Variants in ZNF713 observed in about 807,000 individuals in gnomAD.
ZNF713 encodes zinc finger protein 713.
ZNF713 carries 21 observed loss-of-function variants against 28.7 expected under a neutral mutation model. That is an observed-to-expected ratio of 0.73 (90% CI 0.52 to 1.05). The LOEUF is 1.05. ZNF713 is among the 50% of genes least tolerant of loss of function. The pLI is 0.00. For synonymous variants in ZNF713, 167 were observed against 178.0 expected, an observed-to-expected ratio of 0.94 and a Z score of 0.49; for missense variants, 458 against 532.4, an observed-to-expected ratio of 0.86 and a Z score of 1.37.
chr7:55,889,226 C>G (rs953949888), intron 1 of ZNF713, among the ~76,000 whole-genome samples: 1 of 152,002 alleles, frequency 6.6e-6, no homozygotes, highest in Non-Finnish European at 1.5e-5. Context: ...CTCAGCTTCC[C>G]GATTAGCTGG....
chr7:55,932,808 C>T (rs376730628), intron 6 of ZNF713, among the ~76,000 whole-genome samples: 5 of 130,096 alleles, frequency 3.8e-5, no homozygotes, highest in African/African-American at 1.2e-4. Context: ...GGCGTGAACC[C>T]GGGAAGCGGA....
chr7:55,888,693 T>G (rs1432023531), intron 1 of ZNF713, among the ~76,000 whole-genome samples: 5 of 152,134 alleles, frequency 3.3e-5, no homozygotes, highest in Admixed American at 6.6e-5. Flanking sequence ...TGTTTCTAGA[T>G]TCTGTCACTG....
At chr7:55,896,868 T>C (rs1785482792) in intron 1 of ZNF713, among the ~76,000 whole-genome samples, 2 of 152,100 alleles carry the variant, frequency 1.3e-5, no homozygotes, top group Non-Finnish European at 2.9e-5. Context: ...AAACATCTTA[T>C]ATTGCCAAGA....
rs1562731109 is a variant in ZNF713, at chr7:55,887,745, AGGCGGG to A, written c.-583+68_-583+73del. 8 of 1,348 alleles carry A rather than the reference AGGCGGG, an allele frequency of 5.9e-3. 2 individuals are homozygous for A. Among genetic ancestry groups the A allele is most frequent in the African/African-American group, 0.019 (7 of 370 alleles). 0.1% of individuals were successfully genotyped at this position (1,348 alleles called of 1,614,324 possible). A position where few individuals can be genotyped will look rare whatever the true frequency, so the allele number is the denominator to read the frequency against. On this transcript the variant is annotated intron_variant, in intron 1 of 6. Transcript: ENST00000429591. ...GGCGGGGGGCGGAGGCGGGGGGCGG[AGGCGGG>A]GGGCGGAGGCGGGGGGCGGAGGCGG...
chr7:55,941,552 C>A lies in ZNF713; in HGVS notation c.*1546C>A, dbSNP rs557615759. On this transcript the variant is annotated 3_prime_UTR_variant, in exon 7 of 7. Coordinates refer to ENST00000429591, the MANE Select transcript of ZNF713 (RefSeq NM_182633.3). ...ACATAAAAGAGGAATATTTCACGAA[C>A]GTCAGTTATTTGTATGCTTTCTTTA... 6.6e-6 allele frequency: 1 copy of A among 151,184 alleles called. No individual in the cohort carries two copies. The highest frequency in any genetic ancestry group is 2.4e-5 in the African/African-American group (1 of 41,090). The allele number at this position is 151,184 out of a possible 1,614,324, so 9.4% of individuals were successfully genotyped here.
At chr7:55,908,128 CGTTGTT>C (rs201637983) in intron 2 of ZNF713, among the ~76,000 whole-genome samples, 1 of 135,494 alleles carries the variant, frequency 7.4e-6, no homozygotes, top group Admixed American at 7.7e-5. Context: ...CACCAACATC[CGTTGTT>C]GTTTTTTTTT....
intron 4 of ZNF713, among the ~76,000 whole-genome samples, chr7:55,917,775 A>G (rs1398340691): frequency 6.6e-6 from 1 of 152,180 alleles, no homozygotes; most frequent in Non-Finnish European, 1.5e-5. Flanking sequence ...TCTTAAACAC[A>G]GGAAAAGTGT....
intron 6 of ZNF713, among the ~76,000 whole-genome samples, chr7:55,928,717 G>A (rs1786149779): frequency 6.6e-6 from 1 of 152,182 alleles, no homozygotes; most frequent in African/African-American, 2.4e-5. Flanking sequence ...TTCAACAAGA[G>A]ATATGCAATA....
In ZNF713 at chr7:55,912,631, C is replaced by T. The variant is rs771026384; in HGVS notation, c.-2-4C>T. On this transcript the variant is annotated splice_region_variant and splice_polypyrimidine_tract_variant and intron_variant, in intron 3 of 6. Transcript: ENST00000429591. ...TATTAACAAGATGCTTCTCTTTTTC[C>T]TAGTTATGCCTTCTCAGAATGCTGT... The T allele has an allele frequency of 1.2e-6, 2 of 1,602,698 alleles. No individual in the cohort carries two copies. The highest frequency in any genetic ancestry group is 3.4e-5 in the Admixed American group (2 of 58,872).
chr7:55,910,856 C>G (rs992765435), intron 2 of ZNF713, among the ~76,000 whole-genome samples: 2 of 152,178 alleles, frequency 1.3e-5, no homozygotes, highest in Non-Finnish European at 2.9e-5. Flanking sequence ...CTTCCCTCAG[C>G]CTTCCCCTCC....
At chr7:55,935,548 C>T (rs1426181711) in intron 6 of ZNF713, among the ~76,000 whole-genome samples, 3 of 152,242 alleles carry the variant, frequency 2.0e-5, no homozygotes, top group South Asian at 4.2e-4. Flanking sequence ...TGAGAGTTGA[C>T]AGAAGATACC....
intron 1 of ZNF713, among the ~76,000 whole-genome samples, chr7:55,899,716 A>C (rs1785539040): frequency 6.6e-6 from 1 of 152,014 alleles, no homozygotes; most frequent in Non-Finnish European, 1.5e-5. Flanking sequence ...ATGATCCAGC[A>C]GTCCCACTTC....
At chr7:55,921,894 T>G (rs1785998398) in intron 4 of ZNF713, among the ~76,000 whole-genome samples, 1 of 152,176 alleles carries the variant, frequency 6.6e-6, no homozygotes, top group South Asian at 2.1e-4. Flanking sequence ...AAATGAAGAT[T>G]CAGTGCAGCA....
At chr7:55,888,420 T>C (rs1785318594) in intron 1 of ZNF713, among the ~76,000 whole-genome samples, 1 of 152,138 alleles carries the variant, frequency 6.6e-6, no homozygotes, top group African/African-American at 2.4e-5. Context: ...TCTCACTTTA[T>C]CACCCAGGCT....
intron 4 of ZNF713, chr7:55,918,312 T>A (rs1031523159): frequency 4.0e-6 from 1 of 253,036 alleles, no homozygotes; most frequent in African/African-American, 2.2e-5. Flanking sequence ...GTAAGCCATC[T>A]TGAAAGTGAA....
At chr7:55,902,304 CA>C (rs1266577392) in intron 1 of ZNF713, among the ~76,000 whole-genome samples, 1 of 152,094 alleles carries the variant, frequency 6.6e-6, no homozygotes, top group African/African-American at 2.4e-5. Context: ...TGTACTAGTA[CA>C]AAGTGTAATA....
chr7:55,933,239 A>T (rs1584319179), intron 6 of ZNF713, among the ~76,000 whole-genome samples: 1 of 151,946 alleles, frequency 6.6e-6, no homozygotes, highest in East Asian at 1.9e-4. Flanking sequence ...CCTGCCTCAA[A>T]AATAATAATA....
Position 55,940,293 on chromosome 7 carries a change from T to A in ZNF713, c.*287T>A. On this transcript the variant is annotated 3_prime_UTR_variant, in exon 7 of 7. Coordinates refer to ENST00000429591, the MANE Select transcript of ZNF713 (RefSeq NM_182633.3). ...ATGCACCACCACGCCCAGCTAATTT[T>A]TTGTATTTTTAGTAGAGACGGGGTT... is the stretch of plus-strand genomic sequence containing the variant. 2.0e-6 allele frequency: 1 copy of A among 497,170 alleles called. No individual in the cohort carries two copies. The highest frequency in any genetic ancestry group is 5.0e-5 in the Admixed American group (1 of 19,918). The allele number at this position is 497,170 out of a possible 1,614,324, so 30.8% of individuals were successfully genotyped here.
chr7:55,939,346 C>T lies in ZNF713; in HGVS notation c.672C>T (p.Tyr224=). The change falls in exon 7 of 7, where the codon TAC becomes TAT. Residue 224 remains tyrosine, a synonymous_variant. Coordinates refer to ENST00000429591, the MANE Select transcript of ZNF713 (RefSeq NM_182633.3). ...TCAAACATAATTCAGACTTGATTTACTATCAGGGAAATTATGTAAGAGAGA... is the reference window on the plus strand; with the variant it reads ...TCAAACATAATTCAGACTTGATTTATTATCAGGGAAATTATGTAAGAGAGA... ...NSIKHNSDLI[Y]YQGNYVRETP... is the part of the protein sequence containing the mutation. 1 of 1,614,000 alleles carries T rather than the reference C, an allele frequency of 6.2e-7. No homozygotes were observed. The highest frequency in any genetic ancestry group is 1.1e-5 in the South Asian group (1 of 91,052).
Sources: allele counts gnomAD v4.1 joint callset (sites outside exome capture counted in the v4.1 genomes callset), GRCh38; gene constraint gnomAD v4.1.1; transcripts MANE v1.5; gene names NCBI Gene and HGNC (gene_info 2026-07-23, HGNC 2026-07-21).